POLR1F: variants seen among roughly 807,000 people sequenced by gnomAD.
POLR1F encodes DNA-directed RNA polymerase I subunit RPA43.
POLR1F carries 23 observed loss-of-function variants against 21.8 expected under a neutral mutation model. The ratio of observed to expected loss-of-function variants is 1.05; its 90% CI spans 0.76 to 1.49. The LOEUF (loss-of-function observed/expected upper bound fraction) is 1.49, where lower values mean the gene tolerates loss of function less well. Among genes scored for constraint, POLR1F ranks in the 40% most tolerant of loss-of-function variants. The pLI, the probability that POLR1F is intolerant of heterozygous loss-of-function variation, is 0.00. For synonymous variants in POLR1F, 162 were observed against 152.8 expected (o/e 1.06, Z -0.45); for missense variants, 435 against 412.1 (o/e 1.06, Z -0.48).
chr7:19,701,560 C>T lies in POLR1F; in HGVS notation c.397-1280G>A, dbSNP rs1783446717. Among the ~76,000 whole-genome samples, 3 of 152,088 alleles carry T rather than the reference C, an allele frequency of 2.0e-5. No homozygotes were observed. The South Asian group carries it at 6.2e-4, about 32-fold the overall frequency. On this transcript the variant is annotated intron_variant, in intron 2 of 3. Transcript: ENST00000222567. ...ATAGTCACAAACCTTTTTGGAAGGC[C>T]AAAAGGTTACATAGCTTGTAATAGC...
In POLR1F at chr7:19,700,183, T is replaced by C. The variant is rs779682056; in HGVS notation, c.494A>G (p.Gln165Arg). 23 of 1,613,958 alleles carry C rather than the reference T, an allele frequency of 1.4e-5. No individual in the cohort carries two copies. The highest frequency in any genetic ancestry group is 1.9e-5 in the Non-Finnish European group (23 of 1,179,856). The part of the protein sequence containing the change: ...IPKPEQLSAE[Q>R]WQTMEINMGD... The stretch of plus-strand genomic sequence containing the variant: ...CATGTTTATCTCCATGGTTTGCCAC[T>C]GCTCAGCTGACAACTGCTCAGGTTT... Residue 165 changes from glutamine to arginine, a missense_variant, in exon 3 of 4, where the codon CAG (glutamine) becomes CGG (arginine). Coordinates refer to ENST00000222567, the MANE Select transcript of POLR1F (RefSeq NM_001002926.2).
chr7:19,695,660 T>C lies in POLR1F; in HGVS notation c.*2656A>G, dbSNP rs146491329. On this transcript the variant is annotated 3_prime_UTR_variant, in exon 4 of 4. Coordinates refer to ENST00000222567, the MANE Select transcript of POLR1F (RefSeq NM_001002926.2). The stretch of plus-strand genomic sequence containing the variant: ...AAACAGTTTGAAATAATGCACAGTG[T>C]TACAAGTAGAAAAATATTTATTAAA... 1.3e-3 allele frequency: 203 copies of C among 152,216 alleles called. No individual in the cohort carries two copies. Among genetic ancestry groups the C allele is most frequent in the African/African-American group, 4.5e-3 (188 of 41,570 alleles). The allele number at this position is 152,216 out of a possible 1,614,324, so 9.4% of individuals were successfully genotyped here. A position where few individuals can be genotyped will look rare whatever the true frequency, so the allele number is the denominator to read the frequency against.
rs1228910119 is a variant in POLR1F at position 19,695,923 on chromosome 7, A to T, written c.*2393T>A. Reference sequence around the variant, plus strand: ...ACATTCATTGTTATTTGTACTTGTCATTTATACTTGTGTATCTTATAGACA... The same window carrying T: ...ACATTCATTGTTATTTGTACTTGTCTTTTATACTTGTGTATCTTATAGACA... On this transcript the variant is annotated 3_prime_UTR_variant, in exon 4 of 4. Coordinates refer to ENST00000222567, the MANE Select transcript of POLR1F (RefSeq NM_001002926.2). 1 of 152,162 alleles carries T rather than the reference A, an allele frequency of 6.6e-6. No homozygotes were observed. The highest frequency in any genetic ancestry group is 2.4e-5 in the African/African-American group (1 of 41,454). The allele number at this position is 152,162 out of a possible 1,614,324, so 9.4% of individuals were successfully genotyped here. A position where few individuals can be genotyped will look rare whatever the true frequency, so the allele number is the denominator to read the frequency against.
rs1025078773 is a variant in POLR1F at position 19,697,660 on chromosome 7, T to G, written c.*656A>C. On this transcript the variant is annotated 3_prime_UTR_variant, in exon 4 of 4. Transcript: ENST00000222567. ...ATGAACAAGTACAAGAAAACAGTCC[T>G]TTCCAGCAACCTCTCAGACTTAAGA... 6.6e-6 allele frequency: 1 copy of G among 152,186 alleles called. No individual in the cohort carries two copies. The highest frequency in any genetic ancestry group is 1.5e-5 in the Non-Finnish European group (1 of 68,052). The allele number at this position is 152,186 out of a possible 1,614,324, so 9.4% of individuals were successfully genotyped here. A position where few individuals can be genotyped will look rare whatever the true frequency, so the allele number is the denominator to read the frequency against.
intron 1 of POLR1F, among the ~76,000 whole-genome samples, chr7:19,707,367 A>C (rs1783541329): frequency 6.6e-6 from 1 of 152,182 alleles, no homozygotes; most frequent in Non-Finnish European, 1.5e-5. Flanking sequence ...AAACAACAAC[A>C]ACCCCACCTT....
chr7:19,706,225 C>T (rs1322034103), intron 1 of POLR1F, among the ~76,000 whole-genome samples: 1 of 152,110 alleles, frequency 6.6e-6, no homozygotes, highest in Non-Finnish European at 1.5e-5. Context: ...GAGACTTACT[C>T]GGGAAAGCAA....
At chr7:19,708,428 T>C (rs1783566559) in intron 1 of POLR1F, among the ~76,000 whole-genome samples, 1 of 152,170 alleles carries the variant, frequency 6.6e-6, no homozygotes, top group African/African-American at 2.4e-5. Context: ...AATGAAACGT[T>C]GAATGCCAAA....
At position 19,704,776 on chromosome 7, in the gene POLR1F, T is replaced by G. The variant is rs944872584; in HGVS notation, c.396+3A>C. ...GGGAGCTAGAAAAAAGTGATACACA[T>G]ACCATAAGCTTCTGCCCTGGTTCAG... On this transcript the variant is annotated splice_donor_region_variant and intron_variant, in intron 2 of 3. Transcript: ENST00000222567. 1 of 1,587,128 alleles carries G rather than the reference T, an allele frequency of 6.3e-7. No homozygotes were observed. Among genetic ancestry groups the G allele is most frequent in the Admixed American group, 1.9e-5 (1 of 51,794 alleles).
rs534235107 is a variant in POLR1F, at chr7:19,704,635, A to G, written c.396+144T>C. ...ACTTACCTACGTTTGAATGATACAA[A>G]TTAATTTTTCCTTAAAAATAATATT... is the stretch of plus-strand genomic sequence containing the variant. On this transcript the variant is annotated intron_variant, in intron 2 of 3. Coordinates refer to ENST00000222567, the MANE Select transcript of POLR1F (RefSeq NM_001002926.2). The G allele has an allele frequency of 7.0e-5, 54 of 771,756 alleles. No individual in the cohort carries two copies. In the African/African-American group the frequency reaches 8.9e-4, roughly 13 times the overall value. 47.8% of individuals were successfully genotyped at this position (771,756 alleles called of 1,614,324 possible). A position where few individuals can be genotyped will look rare whatever the true frequency, so the allele number is the denominator to read the frequency against.
intron 2 of POLR1F, 170 bp from the exon 3 acceptor site, chr7:19,700,450 C>T: frequency 3.4e-6 from 2 of 590,296 alleles, no homozygotes; most frequent in South Asian, 4.4e-5. Flanking sequence ...ACATGTCATG[C>T]CAAAACATCA....
chr7:19,702,021 A>AC (rs35550215), intron 2 of POLR1F, among the ~76,000 whole-genome samples: 1 of 147,280 alleles, frequency 6.8e-6, no homozygotes, highest in Non-Finnish European at 1.5e-5. Flanking sequence ...CTGCAGGCAG[A>AC]CCCCCGCAGC....
At chr7:19,705,038 A>C in intron 1 of POLR1F, 118 bp from the exon 2 acceptor site, 19 of 1,026,302 alleles carry the variant, frequency 1.9e-5, no homozygotes, top group Non-Finnish European at 2.6e-5. Flanking sequence ...AACAGGGCTC[A>C]CTGCAGCCTC....
chr7:19,702,827 T>G (rs563963860), intron 2 of POLR1F, among the ~76,000 whole-genome samples: 7 of 152,164 alleles, frequency 4.6e-5, no homozygotes, highest in Non-Finnish European at 8.8e-5. Flanking sequence ...AAAACCATAA[T>G]GAGATACTAC....
At chr7:19,705,023 A>C in intron 1 of POLR1F, 103 bp from the exon 2 acceptor site, 1 of 1,218,144 alleles carries the variant, frequency 8.2e-7, no homozygotes. Flanking sequence ...GGGTGCAGTG[A>C]CATCAACAGG....
At position 19,698,334 on chromosome 7, in the gene POLR1F, C is replaced by T; in HGVS notation, c.999G>A (p.Gly333=). 1 of 1,565,146 alleles carries T rather than the reference C, an allele frequency of 6.4e-7. No homozygotes were observed. The highest frequency in any genetic ancestry group is 8.6e-7 in the Non-Finnish European group (1 of 1,164,800). The change falls in exon 4 of 4, where the codon GGG becomes GGA. Residue 333 remains glycine (G), a synonymous_variant. Coordinates refer to ENST00000222567, the MANE Select transcript of POLR1F (RefSeq NM_001002926.2). ...PPLKCSPKRK[G]KSNFL ...AAATACACTAAAGAAAATTACTTTT[C>T]CCTTTTCTTTTTGGTGAGCATTTCA...
At chr7:19,703,023 A>G (rs916033671) in intron 2 of POLR1F, among the ~76,000 whole-genome samples, 6 of 152,186 alleles carry the variant, frequency 3.9e-5, no homozygotes, top group Non-Finnish European at 7.3e-5. Flanking sequence ...TATGTCTGAA[A>G]ATATATGTTT....
At chr7:19,703,488 T>A (rs759256287) in intron 2 of POLR1F, among the ~76,000 whole-genome samples, 7 of 152,166 alleles carry the variant, frequency 4.6e-5, no homozygotes, top group Non-Finnish European at 8.8e-5. Context: ...GTCAAAAATA[T>A]TTGAGGAGTG....
Position 19,698,547 on chromosome 7 carries a change from C to G in POLR1F, c.786G>C (p.Gln262His), listed in dbSNP as rs1562595026. 2 of 1,610,426 alleles carry G rather than the reference C, an allele frequency of 1.2e-6. No individual in the cohort carries two copies. Among genetic ancestry groups the G allele is most frequent in the Non-Finnish European group, 1.7e-6 (2 of 1,179,056 alleles). The change falls in exon 4 of 4, where the codon CAG becomes CAC. Residue 262 changes from glutamine to histidine, a missense_variant. Transcript: ENST00000222567. ...AGATGCCATTCGCATTATTAGTATT[C>G]TGCAGGGCTGACTCTTCCATTGGAG... is the stretch of plus-strand genomic sequence containing the variant. Reference protein sequence around the residue: ...DDTPMEESALQNTNNANGIWE... With the variant: ...DDTPMEESALHNTNNANGIWE...
chr7:19,704,914 T>G lies in POLR1F; in HGVS notation c.261A>C (p.Leu87Phe). ...TGTTATCATATGCAATAGGGACACC[T>G]AAAAGGCTGTAAAAAGAAAAAGTTG... is the stretch of plus-strand genomic sequence containing the variant. ...AELLRYSESL[L>F]GVPIAYDNIK... is the part of the protein sequence containing the mutation. Residue 87 changes from leucine to phenylalanine, a missense_variant, in exon 2 of 4, where the codon TTA becomes TTC. Coordinates refer to ENST00000222567, the MANE Select transcript of POLR1F (RefSeq NM_001002926.2). The G allele has an allele frequency of 6.4e-7, 1 of 1,559,002 alleles. No homozygotes were observed. The highest frequency in any genetic ancestry group is 8.6e-7 in the Non-Finnish European group (1 of 1,162,882).
Sources: gnomAD v4.1 joint callset for allele counts (sites outside exome capture counted in the v4.1 genomes callset) on GRCh38, gnomAD v4.1.1 for gene constraint, MANE v1.5 for transcripts, NCBI Gene and HGNC (gene_info 2026-07-23, HGNC 2026-07-21) for gene names.